CBR4: variants seen among roughly 807,000 people sequenced by gnomAD.
The protein encoded by CBR4 is 3-oxoacyl-[acyl-carrier-protein] reductase.
Under a neutral mutation model 21.0 loss-of-function variants are expected in CBR4, and 22 were observed. That is an observed-to-expected ratio of 1.05 (90% CI 0.75 to 1.50). The LOEUF (loss-of-function observed/expected upper bound fraction) is 1.50, where lower values mean the gene tolerates loss of function less well. Ranked by LOEUF, CBR4 falls within the 40% of genes most tolerant of loss-of-function variation. The pLI, the probability that CBR4 is intolerant of heterozygous loss-of-function variation, is 0.00. For synonymous variants in CBR4, 100 were observed against 104.4 expected, an observed-to-expected ratio of 0.96 and a Z score of 0.26; for missense variants, 302 against 286.3, an observed-to-expected ratio of 1.05 and a Z score of -0.40.
intron 4 of CBR4, among the ~76,000 whole-genome samples, chr4:168,992,222 A>G (rs754109598): frequency 2.6e-5 from 4 of 152,228 alleles, no homozygotes; most frequent in South Asian, 2.1e-4. Context: ...AACTGGTTAA[A>G]TAAGTTATGA....
downstream of CBR4, among the ~76,000 whole-genome samples, chr4:168,987,397 T>C (rs576429742): frequency 3.3e-5 from 5 of 152,266 alleles, no homozygotes; most frequent in Middle Eastern, 3.4e-3. Flanking sequence ...CAGAGATGAG[T>C]AGGCAAGGTG....
chr4:168,937,483 G>A (rs762355145), intron 2 of CBR4, among the ~76,000 whole-genome samples: 16 of 152,012 alleles, frequency 1.1e-4, no homozygotes, highest in Non-Finnish European at 2.4e-4. Context: ...AATGTAAATG[G>A]ACTAAATGCC....
chr4:168,983,392 A>G (rs1165049029), downstream of CBR4, among the ~76,000 whole-genome samples: 2 of 152,172 alleles, frequency 1.3e-5, no homozygotes, highest in Non-Finnish European at 2.9e-5. Flanking sequence ...GAACAGACAA[A>G]TAACAAACAG....
intron 2 of CBR4, among the ~76,000 whole-genome samples, chr4:168,933,978 C>T (rs1170443882): frequency 6.6e-6 from 1 of 151,982 alleles, no homozygotes; most frequent in Non-Finnish European, 1.5e-5. Context: ...AAAACAGAAA[C>T]ACAACATACC....
At chr4:168,914,179 C>T (rs577318115) in intron 2 of CBR4, 1 of 642,456 alleles carries the variant, frequency 1.6e-6, no homozygotes, top group Non-Finnish European at 2.8e-6. Context: ...TTATTATGCT[C>T]CCTTGTGATG....
chr4:168,925,925 C>T (rs1049177203), intron 2 of CBR4, among the ~76,000 whole-genome samples: 2 of 151,140 alleles, frequency 1.3e-5, no homozygotes, highest in Non-Finnish European at 2.9e-5. Context: ...GGAAGCTTAT[C>T]AGCTATTCCA....
intron 4 of CBR4, among the ~76,000 whole-genome samples, chr4:168,998,420 T>A (rs573393162): frequency 6.6e-6 from 1 of 152,266 alleles, no homozygotes; most frequent in African/African-American, 2.4e-5. Flanking sequence ...AAAAGTGACA[T>A]AACAGTCACA....
intron 2 of CBR4, among the ~76,000 whole-genome samples, chr4:168,907,880 A>G (rs1560901115): frequency 6.6e-6 from 1 of 152,198 alleles, no homozygotes; most frequent in Non-Finnish European, 1.5e-5. Flanking sequence ...ATCACAGTAA[A>G]CAGACCAGTT....
At chr4:169,000,219 C>G (rs72704284) in intron 4 of CBR4, among the ~76,000 whole-genome samples, 7 of 152,178 alleles carry the variant, frequency 4.6e-5, no homozygotes, top group Non-Finnish European at 1.0e-4. Flanking sequence ...ATAAAGCATA[C>G]ACAAAGAGAA....
At chr4:168,979,994 GC>G (rs991507494) in intron 2 of CBR4, among the ~76,000 whole-genome samples, 2 of 151,878 alleles carry the variant, frequency 1.3e-5, no homozygotes, top group African/African-American at 4.8e-5. Context: ...ACCAGGCAGG[GC>G]CCCCCCAGCT....
intron 2 of CBR4, chr4:168,903,928 G>C: frequency 1.2e-6 from 2 of 1,610,178 alleles, no homozygotes; most frequent in Non-Finnish European, 1.7e-6. Flanking sequence ...TATAGGTCTG[G>C]GCTCAGTTCT....
Position 168,988,026 on chromosome 4 carries a change from CTTG to C in CBR4, c.*2121_*2123del. Reference sequence around the variant, plus strand: ...CAGCAAACAGCTACAGATGAGTCTTCTTGTTAAGAATTCATTCAATGCTTCTCA... The same window carrying C: ...CAGCAAACAGCTACAGATGAGTCTTCTTAAGAATTCATTCAATGCTTCTCA... On this transcript the variant is annotated 3_prime_UTR_variant, in exon 5 of 5. Transcript: ENST00000306193. The C allele has an allele frequency of 1.0e-6, 1 of 985,338 alleles. No individual in the cohort carries two copies. Among genetic ancestry groups the C allele is most frequent in the Non-Finnish European group, 1.2e-6 (1 of 829,864 alleles). 61.0% of individuals were successfully genotyped at this position (985,338 alleles called of 1,614,324 possible). A position where few individuals can be genotyped will look rare whatever the true frequency, so the allele number is the denominator to read the frequency against.
intron 2 of CBR4, among the ~76,000 whole-genome samples, chr4:168,971,227 T>A (rs1353146767): frequency 6.6e-6 from 1 of 151,742 alleles, no homozygotes; most frequent in Non-Finnish European, 1.5e-5. Context: ...TAATTAGTGA[T>A]GTTGAGCATT....
chr4:169,006,330 G>A (rs1330423995), intron 3 of CBR4, among the ~76,000 whole-genome samples: 2 of 151,602 alleles, frequency 1.3e-5, no homozygotes, highest in Non-Finnish European at 2.9e-5. Flanking sequence ...GTGTGACCTC[G>A]TCTCTATTTA....
chr4:168,989,024 TTG>T lies in CBR4; in HGVS notation c.*1124_*1125del. On this transcript the variant is annotated 3_prime_UTR_variant, in exon 5 of 5. Transcript: ENST00000306193. ...TATTACCTGGTATTTCACATTCGGT[TTG>T]TGTCTTTATCTCTACTCCCAGGCAA... 1 of 984,636 alleles carries T rather than the reference TTG, an allele frequency of 1.0e-6. No individual in the cohort carries two copies. The highest frequency in any genetic ancestry group is 1.2e-6 in the Non-Finnish European group (1 of 829,194). 61.0% of individuals were successfully genotyped at this position (984,636 alleles called of 1,614,324 possible). A position where few individuals can be genotyped will look rare whatever the true frequency, so the allele number is the denominator to read the frequency against.
intron 2 of CBR4, among the ~76,000 whole-genome samples, chr4:168,980,634 G>A (rs759160113): frequency 5.9e-5 from 9 of 152,190 alleles, no homozygotes; most frequent in Non-Finnish European, 1.2e-4. Context: ...TACTCGGGAG[G>A]CTGAGGCAGA....
rs535469238 is a variant in CBR4 at position 168,969,215 on chromosome 4, TG to T, written n.169+32855del. Among the ~76,000 whole-genome samples the T allele has an allele frequency of 3.3e-5, 5 of 152,336 alleles. No homozygotes were observed. The South Asian group carries it at 1.0e-3, about 32-fold the overall frequency. On this transcript the variant is annotated intron_variant and non_coding_transcript_variant, in intron 2 of 3. Transcript: ENST00000509108. ...TGAGAAAGGTTGGACAGCTGCTCTG[TG>T]TACATTTGCTGTATTATTGCAGGGT... is the stretch of plus-strand genomic sequence containing the variant.
Position 168,995,314 on chromosome 4 carries a change from G to A in CBR4, c.536-4986C>T, listed in dbSNP as rs1765140858. ...TCTGGGTGGATGTTAGTTCTGATAT[G>A]TTTGTCCTTTCGGAGACAAAAAGTA... On this transcript the variant is annotated intron_variant, in intron 4 of 4. Transcript: ENST00000306193. Among the ~76,000 whole-genome samples the A allele has an allele frequency of 2.0e-5, 3 of 152,168 alleles. No homozygotes were observed. The South Asian group carries it at 6.2e-4, about 32-fold the overall frequency.
intron 2 of CBR4, chr4:168,925,118 T>C: frequency 6.2e-7 from 1 of 1,610,234 alleles, no homozygotes; most frequent in Non-Finnish European, 8.5e-7. Flanking sequence ...GTTTACTCAT[T>C]AAATTATGAA....
Sources: gnomAD v4.1 joint callset for allele counts (sites outside exome capture counted in the v4.1 genomes callset) on GRCh38, gnomAD v4.1.1 for gene constraint, MANE v1.5 for transcripts, NCBI Gene and HGNC (gene_info 2026-07-23, HGNC 2026-07-21) for gene names.